Variants in PDE8A observed in about 807,000 individuals in gnomAD.
PDE8A encodes high affinity cAMP-specific and IBMX-insensitive 3',5'-cyclic phosphodiesterase 8A.
PDE8A carries 59 observed loss-of-function variants against 105.0 expected under a neutral mutation model. The ratio of observed to expected loss-of-function variants is 0.56; its 90% CI spans 0.46 to 0.70. PDE8A has a LOEUF of 0.70. PDE8A is among the 30% of genes least tolerant of loss of function. The pLI is 0.00. For missense variants in PDE8A, 1,014 were observed against 1,045.9 expected (o/e 0.97, Z 0.42); for synonymous variants, 355 against 371.9 (o/e 0.95, Z 0.52).
chr15:85,083,174 T>C (rs1419549754), intron 5 of PDE8A, among the ~76,000 whole-genome samples: 1 of 152,246 alleles, frequency 6.6e-6, no homozygotes, highest in Non-Finnish European at 1.5e-5. Flanking sequence ...AATACTGTTG[T>C]TGAATATACT....
At position 85,067,218 on chromosome 15, in the gene PDE8A, T is replaced by A. The variant is rs1201588563; in HGVS notation, c.434+14T>A. ...GGCACTGTGCAGGTAAGCCCAAGAC[T>A]CGGGCCTAAATAGTCCCATTGGCCT... is the stretch of plus-strand genomic sequence containing the variant. On this transcript the variant is annotated intron_variant, in intron 3 of 21. Coordinates refer to ENST00000394553, the MANE Select transcript of PDE8A (RefSeq NM_002605.3). 4 of 1,603,378 alleles carry A rather than the reference T, an allele frequency of 2.5e-6. No individual in the cohort carries two copies. In the Admixed American group the frequency reaches 5.1e-5, roughly 20 times the overall value.
intron 2 of PDE8A, 31 bp from the exon 3 acceptor site, chr15:85,066,983 T>TA: frequency 2.0e-6 from 3 of 1,497,290 alleles, no homozygotes; most frequent in Non-Finnish European, 2.7e-6. Context: ...CATCTTTTTT[T>TA]AAAAAAAGTG....
chr15:85,101,732 G>A (rs947971297), intron 11 of PDE8A, among the ~76,000 whole-genome samples: 2 of 152,200 alleles, frequency 1.3e-5, no homozygotes, highest in Non-Finnish European at 2.9e-5. Flanking sequence ...ATAATAAGGT[G>A]ATGACAGTAG....
chr15:85,040,637 T>C (rs1033780120), intron 1 of PDE8A, among the ~76,000 whole-genome samples: 8 of 150,142 alleles, frequency 5.3e-5, no homozygotes, highest in African/African-American at 1.7e-4. Flanking sequence ...CTTGGCTCAC[T>C]GCAAGCTCTG....
At chr15:85,127,968 A>G (rs2082280076) in intron 20 of PDE8A, among the ~76,000 whole-genome samples, 2 of 151,962 alleles carry the variant, frequency 1.3e-5, no homozygotes, top group South Asian at 4.1e-4. Flanking sequence ...ATAGAAATCC[A>G]AGAAACAGAT....
At chr15:85,126,548 A>ATT (rs1382565268) in intron 20 of PDE8A, among the ~76,000 whole-genome samples, 174 bp downstream of exon 20, 1 of 151,052 alleles carries the variant, frequency 6.6e-6, no homozygotes, top group African/African-American at 2.4e-5. Context: ...AGAATATTTT[A>ATT]TTTTCCCTTT....
chr15:85,104,380 G>A (rs1567288347), intron 11 of PDE8A, among the ~76,000 whole-genome samples: 1 of 152,272 alleles, frequency 6.6e-6, no homozygotes, highest in East Asian at 1.9e-4. Context: ...GCGAAGCGAG[G>A]CTGGGGCAGG....
At chr15:85,027,037 T>C (rs2080529199) in intron 1 of PDE8A, among the ~76,000 whole-genome samples, 1 of 152,214 alleles carries the variant, frequency 6.6e-6, no homozygotes, top group Non-Finnish European at 1.5e-5. Context: ...TAGGTTACTA[T>C]TGTGTGGTTC....
At chr15:85,093,647 C>T (rs2081687571) in intron 8 of PDE8A, among the ~76,000 whole-genome samples, 1 of 152,324 alleles carries the variant, frequency 6.6e-6, no homozygotes, top group Non-Finnish European at 1.5e-5. Flanking sequence ...AACCCTGCTG[C>T]CCATTGTTGT....
intron 1 of PDE8A, among the ~76,000 whole-genome samples, chr15:85,009,749 T>C (rs2080210840): frequency 6.6e-6 from 1 of 152,228 alleles, no homozygotes; most frequent in Non-Finnish European, 1.5e-5. Context: ...GTTGAAAATA[T>C]GCATGTTCTC....
intron 1 of PDE8A, among the ~76,000 whole-genome samples, chr15:84,993,442 CA>C (rs11362736): frequency 0.25 from 18,216 of 72,218 alleles, 557 homozygotes; most frequent in African/African-American, 0.33. Flanking sequence ...GACTCCATCT[CA>C]AAAAAAAAAA....
At chr15:85,051,964 C>T (rs963375356) in intron 1 of PDE8A, among the ~76,000 whole-genome samples, 4 of 149,572 alleles carry the variant, frequency 2.7e-5, no homozygotes, top group African/African-American at 9.8e-5. Flanking sequence ...AATGCTATCC[C>T]CTCCCCCCTC....
At chr15:85,070,024 G>A (rs975516625) in intron 3 of PDE8A, among the ~76,000 whole-genome samples, 7 of 152,152 alleles carry the variant, frequency 4.6e-5, no homozygotes, top group African/African-American at 1.7e-4. Flanking sequence ...GACTGTTCAA[G>A]AAATCTTTCC....
rs181417267 is a variant in PDE8A, at chr15:85,139,086, G to A, written c.*1183G>A. On this transcript the variant is annotated 3_prime_UTR_variant, in exon 22 of 22. Transcript: ENST00000394553. ...GTATTTGTCATTTCATTTTAAACTC[G>A]TATTTGTGGTTTTTTTCCCAGATAA... 193 of 151,668 alleles carry A rather than the reference G, an allele frequency of 1.3e-3. No homozygotes were observed. The highest frequency in any genetic ancestry group is 4.5e-3 in the African/African-American group (188 of 41,328). 9.4% of individuals were successfully genotyped at this position (151,668 alleles called of 1,614,324 possible). A position where few individuals can be genotyped will look rare whatever the true frequency, so the allele number is the denominator to read the frequency against.
At chr15:85,109,264 G>A in intron 12 of PDE8A, 134 bp downstream of exon 12, 1 of 530,982 alleles carries the variant, frequency 1.9e-6, no homozygotes, top group Non-Finnish European at 3.4e-6. Flanking sequence ...GGAAACTAGT[G>A]TTCCCTTTCT....
intron 8 of PDE8A, among the ~76,000 whole-genome samples, chr15:85,095,883 A>T (rs12899359): frequency 7.3e-6 from 1 of 137,690 alleles, no homozygotes; most frequent in Non-Finnish European, 1.6e-5. Flanking sequence ...TATTTTTTTT[A>T]TATATATATT....
At chr15:85,047,531 G>A (rs2080906052) in intron 1 of PDE8A, among the ~76,000 whole-genome samples, 1 of 152,200 alleles carries the variant, frequency 6.6e-6, no homozygotes, top group African/African-American at 2.4e-5. Context: ...TAAGCGTTCA[G>A]TGGTAAAAAG....
chr15:85,116,486 G>C (rs1225767628), intron 16 of PDE8A, among the ~76,000 whole-genome samples: 1 of 152,248 alleles, frequency 6.6e-6, no homozygotes, highest in Non-Finnish European at 1.5e-5. Context: ...TGTGATAAGA[G>C]CTGCTCCCAG....
intron 1 of PDE8A, among the ~76,000 whole-genome samples, chr15:85,020,932 C>T (rs1300550778): frequency 6.6e-6 from 1 of 152,102 alleles, no homozygotes; most frequent in African/African-American, 2.4e-5. Context: ...TACCACAGAC[C>T]TTATTCATGT....
Sources: allele counts gnomAD v4.1 joint callset (sites outside exome capture counted in the v4.1 genomes callset), GRCh38; gene constraint gnomAD v4.1.1; transcripts MANE v1.5; gene names NCBI Gene and HGNC (gene_info 2026-07-23, HGNC 2026-07-21).